PKD1L1: variants seen among roughly 807,000 people sequenced by gnomAD.
PKD1L1 encodes polycystin 1 like 1, transient receptor potential channel interacting, also known as polycystin-1-like protein 1.
PKD1L1 carries 236 observed loss-of-function variants against 323.4 expected under a neutral mutation model. That is an observed-to-expected ratio of 0.73 (90% CI 0.66 to 0.81). PKD1L1 has a LOEUF of 0.81. Ranked by LOEUF, PKD1L1 falls within the 40% of genes least tolerant of loss-of-function variation. The pLI, the probability that PKD1L1 is intolerant of heterozygous loss-of-function variation, is 0.00. For synonymous variants in PKD1L1, 1,344 were observed against 1,335.0 expected, an observed-to-expected ratio of 1.01 and a Z score of -0.15; for missense variants, 3,320 against 3,508.0, an observed-to-expected ratio of 0.95 and a Z score of 1.35.
chr7:47,891,266 G>C (rs1330136357), intron 15 of PKD1L1, among the ~76,000 whole-genome samples: 1 of 152,168 alleles, frequency 6.6e-6, no homozygotes, highest in African/African-American at 2.4e-5. Flanking sequence ...ATGGACTTCA[G>C]GCATCTCTCC....
intron 46 of PKD1L1, 145 bp from the exon 47 acceptor site, chr7:47,815,602 G>A (rs974112010): frequency 8.0e-5 from 76 of 947,416 alleles, no homozygotes; most frequent in Non-Finnish European, 1.0e-4. Context: ...TGCTTGCAGC[G>A]TGAAGCATGA....
intron 47 of PKD1L1, 100 bp from the exon 48 acceptor site, chr7:47,814,114 C>A: frequency 1.2e-6 from 1 of 854,898 alleles, no homozygotes. Context: ...GTAACTCCAC[C>A]TGCTACCATA....
rs570746268 is a variant in PKD1L1 at position 47,793,851 on chromosome 7, T to C, written c.8356-1054A>G. Reference sequence around the variant, plus strand: ...AAAAATAAAGTCCAGGCTGAGGTGGTCTCAGATGGAGATAAGGAACTTGTT... The same window carrying C: ...AAAAATAAAGTCCAGGCTGAGGTGGCCTCAGATGGAGATAAGGAACTTGTT... On this transcript the variant is annotated intron_variant, in intron 55 of 56. Transcript: ENST00000289672. 3.3e-5 allele frequency among the ~76,000 whole-genome samples: 5 copies of C among 152,236 alleles called. No homozygotes were observed. In the East Asian group the frequency reaches 9.7e-4, roughly 29 times the overall value.
At chr7:47,947,763 C>G (rs990752577) in intron 1 of PKD1L1, among the ~76,000 whole-genome samples, 2 of 152,106 alleles carry the variant, frequency 1.3e-5, no homozygotes, top group East Asian at 1.9e-4. Context: ...GTCAGGAGAT[C>G]GAGACCATCC....
chr7:47,902,444 GT>G lies in PKD1L1; in HGVS notation c.1998del (p.Gln666HisfsTer14). ...NNVSASTLRQ[Q>X]LFIVCEPCQP... The stretch of plus-strand genomic sequence containing the variant: ...TGGCAGGGCTCGCACACGATGAAAA[GT>G]TGCTGTCTTAGAGTGGAGGCACTGA... On this transcript the variant is annotated frameshift_variant, in exon 13 of 57. Coordinates refer to ENST00000289672, the MANE Select transcript of PKD1L1 (RefSeq NM_138295.5). LOFTEE classifies it high-confidence loss of function. 6.2e-7 allele frequency: 1 copy of G among 1,614,168 alleles called. No individual in the cohort carries two copies. Among genetic ancestry groups the G allele is most frequent in the Non-Finnish European group, 8.5e-7 (1 of 1,179,996 alleles).
At chr7:47,781,951 C>T (rs1460649667) in intron 56 of PKD1L1, among the ~76,000 whole-genome samples, 13 of 152,110 alleles carry the variant, frequency 8.5e-5, no homozygotes, top group African/African-American at 2.9e-4. Flanking sequence ...GCTTCAGCAC[C>T]TTTGTCAAGA....
intron 19 of PKD1L1, 138 bp from the exon 20 acceptor site, chr7:47,882,223 A>G: frequency 2.2e-6 from 2 of 927,692 alleles, no homozygotes; most frequent in Non-Finnish European, 1.6e-6. Flanking sequence ...TGTCTTCAGC[A>G]GCCAAACATA....
rs539066571 is a variant in PKD1L1, at chr7:47,800,794, G to C, written c.8048C>G (p.Thr2683Arg). 255 of 1,614,182 alleles carry C rather than the reference G, an allele frequency of 1.6e-4. No individual in the cohort carries two copies. The South Asian group carries it at 2.7e-3, about 17-fold the overall frequency. ...SMWVLPPGTF[T>R]DAFPGLLFHF... is the part of the protein sequence containing the mutation. ...AAACAGCAGCCCGGGGAAGGCGTCT[G>C]TGAAGGTGCCAGGTGGTAGAACCCA... is the stretch of plus-strand genomic sequence containing the variant. The change falls in exon 54 of 57, where the codon ACA becomes AGA. Residue 2683 changes from threonine (T) to arginine (R), a missense_variant. Transcript: ENST00000289672.
intron 26 of PKD1L1, among the ~76,000 whole-genome samples, chr7:47,862,833 G>A (rs1312129232): frequency 1.3e-5 from 2 of 152,186 alleles, no homozygotes; most frequent in African/African-American, 2.4e-5. Context: ...GCCAGACACT[G>A]CAGGTGCATA....
intron 24 of PKD1L1, among the ~76,000 whole-genome samples, chr7:47,869,092 T>A (rs141793960): frequency 2.2e-4 from 34 of 152,192 alleles, no homozygotes; most frequent in African/African-American, 7.7e-4. Flanking sequence ...TAAGCCTTAG[T>A]GCAACAACTA....
In PKD1L1 at chr7:47,813,602, A is replaced by G. The variant is rs1377321245; in HGVS notation, c.7174-309T>C. On this transcript the variant is annotated intron_variant, in intron 48 of 56. Coordinates refer to ENST00000289672, the MANE Select transcript of PKD1L1 (RefSeq NM_138295.5). The stretch of plus-strand genomic sequence containing the variant: ...GCCTGTCTCAGGGCATACCCTCCCC[A>G]TTAGAAAAAGATATGTGAATATTCT... 16 of 663,440 alleles carry G rather than the reference A, an allele frequency of 2.4e-5. No individual in the cohort carries two copies. In the Admixed American group the frequency reaches 2.9e-4, roughly 12 times the overall value. The allele number at this position is 663,440 out of a possible 1,614,324, so 41.1% of individuals were successfully genotyped here. A position where few individuals can be genotyped will look rare whatever the true frequency, so the allele number is the denominator to read the frequency against.
chr7:47,835,105 C>T (rs1353449383), intron 38 of PKD1L1, 28 bp downstream of exon 38: 1 of 1,604,546 alleles, frequency 6.2e-7, no homozygotes, highest in African/African-American at 1.3e-5. Flanking sequence ...CTCAGGAGAA[C>T]AGGGCCATGA....
chr7:47,794,521 G>A (rs1255024928), intron 55 of PKD1L1, among the ~76,000 whole-genome samples: 2 of 152,206 alleles, frequency 1.3e-5, no homozygotes, highest in South Asian at 2.1e-4. Flanking sequence ...TTCAGAAGAT[G>A]TATGGAAATG....
In PKD1L1 at chr7:47,905,192, T is replaced by C. The variant is rs745485821; in HGVS notation, c.1656A>G (p.Ser552=). 1 of 1,614,140 alleles carries C rather than the reference T, an allele frequency of 6.2e-7. No homozygotes were observed. Among genetic ancestry groups the C allele is most frequent in the Non-Finnish European group, 8.5e-7 (1 of 1,180,030 alleles). Residue 552 remains serine, a synonymous_variant, in exon 11 of 57, where the codon TCA becomes TCG. Transcript: ENST00000289672. The part of the protein sequence containing the change: ...FGEDPPVRTT[S]RSIKKRLSIP... ...TGCTGAGTCTTTTTTTAATGCTTCT[T>C]GAAGTTGTCCTCACTGGTGGATCCT...
chr7:47,903,354 G>A (rs1443321177), intron 12 of PKD1L1, among the ~76,000 whole-genome samples: 1 of 152,168 alleles, frequency 6.6e-6, no homozygotes, highest in Non-Finnish European at 1.5e-5. Context: ...AGAGATGACA[G>A]TGGAGGCACC....
At position 47,835,187 on chromosome 7, in the gene PKD1L1, G is replaced by T; in HGVS notation, c.6000C>A (p.Thr2000=). ...LGSFRVGLLC[T]LLASPGAQLL... is the part of the protein sequence containing the mutation. ...GCTGGGCCCCTGGAGAAGCCAGGAG[G>T]GTACACAGGAGACCCACCCTGAAGG... Residue 2000 remains threonine (T), a synonymous_variant, in exon 38 of 57, where the codon ACC becomes ACA. Coordinates refer to ENST00000289672, the MANE Select transcript of PKD1L1 (RefSeq NM_138295.5). 1 of 1,590,150 alleles carries T rather than the reference G, an allele frequency of 6.3e-7. No homozygotes were observed. Among genetic ancestry groups the T allele is most frequent in the Non-Finnish European group, 8.5e-7 (1 of 1,172,936 alleles).
chr7:47,836,821 T>C, intron 37 of PKD1L1, 100 bp downstream of exon 37: 1 of 1,400,392 alleles, frequency 7.1e-7, no homozygotes, highest in Non-Finnish European at 9.6e-7. Context: ...GGTTTAAACT[T>C]TTCTCGGAGA....
chr7:47,801,694 A>T (rs560514390), intron 53 of PKD1L1, among the ~76,000 whole-genome samples: 1 of 152,320 alleles, frequency 6.6e-6, no homozygotes, highest in African/African-American at 2.4e-5. Context: ...TTTTAGTATT[A>T]CTTACTCCAT....
chr7:47,918,738 T>C (rs188743456), intron 7 of PKD1L1, among the ~76,000 whole-genome samples: 1 of 152,076 alleles, frequency 6.6e-6, no homozygotes, highest in African/African-American at 2.4e-5. Flanking sequence ...TGCAAATACA[T>C]AGAAATTAAA....
Sources: gnomAD v4.1 joint callset for allele counts (sites outside exome capture counted in the v4.1 genomes callset) on GRCh38, gnomAD v4.1.1 for gene constraint, MANE v1.5 for transcripts, NCBI Gene and HGNC (gene_info 2026-07-23, HGNC 2026-07-21) for gene names.